ZZEF1: variants seen among roughly 807,000 people sequenced by gnomAD.
ZZEF1 encodes zinc finger ZZ-type and EF-hand domain-containing protein 1.
A neutral mutation model predicts 342.8 loss-of-function variants in ZZEF1; 157 were observed. That is an observed-to-expected ratio of 0.46 (90% CI 0.40 to 0.52). The LOEUF (loss-of-function observed/expected upper bound fraction) is 0.52, where lower values mean the gene tolerates loss of function less well. Ranked by LOEUF, ZZEF1 falls within the 20% of genes least tolerant of loss-of-function variation. ZZEF1 has a pLI of 0.00. For missense variants in ZZEF1, 3,480 were observed against 3,725.6 expected (o/e 0.93, Z 1.72); for synonymous variants, 1,505 against 1,429.1 (o/e 1.05, Z -1.20).
At chr17:4,104,916 A>C (rs886236372) in intron 7 of ZZEF1, 105 bp from the exon 8 acceptor site, 8 of 944,820 alleles carry the variant, frequency 8.5e-6, no homozygotes, top group Non-Finnish European at 1.2e-5. Context: ...AACCTGCCAT[A>C]TGCTTTCTAC....
intron 5 of ZZEF1, 35 bp downstream of exon 5, chr17:4,112,574 G>C: frequency 4.3e-6 from 7 of 1,609,288 alleles, no homozygotes; most frequent in Non-Finnish European, 5.1e-6. Flanking sequence ...CTACTCCCTT[G>C]CTTTTCCCTA....
rs771028147 is a variant in ZZEF1, at chr17:4,017,759, G to A, written c.7642-29C>T. Reference sequence around the variant, plus strand: ...CAAACCCAAGACCACCATTACAGAGGTCTAGCCTTCTTACAGTGGTGGTAT... The same window carrying A: ...CAAACCCAAGACCACCATTACAGAGATCTAGCCTTCTTACAGTGGTGGTAT... On this transcript the variant is annotated intron_variant, in intron 47 of 54. Coordinates refer to ENST00000381638, the MANE Select transcript of ZZEF1 (RefSeq NM_015113.4). This position sits in a 1 kb window ranked among gnomAD's most constrained non-coding sequence, Gnocchi z 5.1. 1.9e-6 allele frequency: 3 copies of A among 1,612,828 alleles called. No homozygotes were observed. Among genetic ancestry groups the A allele is most frequent in the Non-Finnish European group, 1.7e-6 (2 of 1,179,578 alleles).
intron 1 of ZZEF1, among the ~76,000 whole-genome samples, chr17:4,125,547 C>A (rs1030370033): frequency 6.6e-6 from 1 of 152,214 alleles, no homozygotes; most frequent in African/African-American, 2.4e-5. Context: ...CTTTTTGCCT[C>A]TGTTCAACCT....
Position 4,019,730 on chromosome 17 carries a change from G to A in ZZEF1, c.7444C>T (p.Arg2482Trp), listed in dbSNP as rs762200899. The A allele has an allele frequency of 9.3e-6, 15 of 1,612,050 alleles. No individual in the cohort carries two copies. The highest frequency in any genetic ancestry group is 4.5e-5 in the East Asian group (2 of 44,722). Residue 2482 changes from arginine to tryptophan, a missense_variant, in exon 46 of 55, where the codon CGG becomes TGG. Coordinates refer to ENST00000381638, the MANE Select transcript of ZZEF1 (RefSeq NM_015113.4). ...DALNAPLHIL[R>W]AIYELQMKKT... ...TTCATCTGCAGTTCGTATATGGCCC[G>A]GAGAATGTGCAGAGGGGCATTGAGG...
intron 5 of ZZEF1, among the ~76,000 whole-genome samples, chr17:4,112,087 T>C (rs1597908947): frequency 1.0e-5 from 1 of 97,520 alleles, no homozygotes; most frequent in South Asian, 3.2e-4. Context: ...TATATATATA[T>C]ATATATGTTT....
chr17:4,044,642 C>A (rs917758817), intron 37 of ZZEF1, among the ~76,000 whole-genome samples: 1 of 151,972 alleles, frequency 6.6e-6, no homozygotes, highest in Non-Finnish European at 1.5e-5. Flanking sequence ...CCTTAGCCTC[C>A]TGAGTAGCTG....
chr17:4,131,584 G>A (rs891469948), intron 1 of ZZEF1, among the ~76,000 whole-genome samples: 29 of 151,956 alleles, frequency 1.9e-4, no homozygotes, highest in African/African-American at 7.0e-4. Context: ...TTCAAGACCA[G>A]TGTGAGCGAT....
chr17:4,056,258 C>A lies in ZZEF1; in HGVS notation c.5253G>T (p.Trp1751Cys). 1 of 1,592,698 alleles carries A rather than the reference C, an allele frequency of 6.3e-7. No individual in the cohort carries two copies. ...DECQDGMFEA[W>C]YEKIAQEDPE... Reference sequence around the variant, plus strand: ...GATCTTCCTGGGCTATTTTTTCATACCAGGCCTCAAACATGCCATCCTGAC... The same window carrying A: ...GATCTTCCTGGGCTATTTTTTCATAACAGGCCTCAAACATGCCATCCTGAC... The change falls in exon 33 of 55, where the codon TGG (tryptophan) becomes TGT (cysteine). Residue 1751 changes from tryptophan to cysteine, a missense_variant. Physicochemically the swap from Trp to Cys is radical, Grantham distance 215. Transcript: ENST00000381638.
At chr17:4,118,178 A>T (rs865833533) in intron 2 of ZZEF1, among the ~76,000 whole-genome samples, 50 of 152,312 alleles carry the variant, frequency 3.3e-4, no homozygotes, top group Middle Eastern at 6.8e-3. Context: ...TTGTGCCTTC[A>T]GGACCTGCTC....
chr17:4,072,826 A>C, intron 24 of ZZEF1, 70 bp from the exon 25 acceptor site: 1 of 1,459,110 alleles, frequency 6.9e-7, no homozygotes, highest in East Asian at 2.3e-5. Context: ...TGAAATGAGA[A>C]AGAAAAGGTT....
At chr17:4,061,556 T>A (rs1432946446) in intron 30 of ZZEF1, among the ~76,000 whole-genome samples, 3 of 152,208 alleles carry the variant, frequency 2.0e-5, no homozygotes, top group Admixed American at 6.5e-5. Context: ...CTCAATATCT[T>A]TACTTGGTAT....
In ZZEF1 at chr17:4,014,252, T is replaced by A; in HGVS notation, c.8315-64A>T. ...GCAACAGGGAATGGCAGCAGTGGTG[T>A]TGGGTTTCAACATTCTCCAGTAAGT... is the stretch of plus-strand genomic sequence containing the variant. On this transcript the variant is annotated intron_variant, in intron 50 of 54. Transcript: ENST00000381638. The surrounding 1 kb of genome is among the most constrained non-coding windows in gnomAD (Gnocchi z 4.4). 1 of 1,610,854 alleles carries A rather than the reference T, an allele frequency of 6.2e-7. No homozygotes were observed. Among genetic ancestry groups the A allele is most frequent in the Non-Finnish European group, 8.5e-7 (1 of 1,177,098 alleles).
chr17:4,097,947 C>CAAAAAAAAAAAAAAA (rs2058065352), intron 9 of ZZEF1, among the ~76,000 whole-genome samples: 1 of 93,374 alleles, frequency 1.1e-5, no homozygotes. Context: ...AAAAAAAAAG[C>CAAAAAAAAAAAAAAA]AAAAATCAAG....
chr17:4,136,026 C>T (rs1189412343), intron 1 of ZZEF1, among the ~76,000 whole-genome samples: 1 of 126,408 alleles, frequency 7.9e-6, no homozygotes, highest in Non-Finnish European at 1.6e-5. Flanking sequence ...GACGGTGTCT[C>T]GCTGTTGCCA....
chr17:4,024,191 T>TTTTG (rs2056346684), intron 43 of ZZEF1, among the ~76,000 whole-genome samples: 2 of 126,108 alleles, frequency 1.6e-5, no homozygotes, highest in Non-Finnish European at 3.2e-5. Flanking sequence ...CCCAGGTTTT[T>TTTTG]TTTTTTTTTT....
Position 4,064,705 on chromosome 17 carries a change from C to T in ZZEF1, c.4374G>A (p.Lys1458=). 1 of 1,614,180 alleles carries T rather than the reference C, an allele frequency of 6.2e-7. No individual in the cohort carries two copies. Among genetic ancestry groups the T allele is most frequent in the Non-Finnish European group, 8.5e-7 (1 of 1,180,034 alleles). ...CCACCACAGAGCTTGTCCTCTGACG[C>T]TTGTTGAGTGGCTGGAGATGACTGG... is the stretch of plus-strand genomic sequence containing the variant. ...DETSHLQPLN[K]RQRTSSVVEE... The change falls in exon 29 of 55, where the codon AAG becomes AAA. Residue 1458 remains lysine (K), a synonymous_variant. Transcript: ENST00000381638.
chr17:4,044,675 T>TA (rs2056874841), intron 37 of ZZEF1, among the ~76,000 whole-genome samples: 7 of 151,790 alleles, frequency 4.6e-5, no homozygotes, highest in Admixed American at 2.6e-4. Flanking sequence ...CGTGCCACCA[T>TA]GCCCAGCTAA....
intron 11 of ZZEF1, among the ~76,000 whole-genome samples, chr17:4,092,119 G>T (rs572088443): frequency 6.6e-6 from 1 of 150,392 alleles, no homozygotes; most frequent in African/African-American, 2.4e-5. Flanking sequence ...TAAATAAGAA[G>T]GAGAAAAAGA....
chr17:4,096,745 T>C (rs202013452), intron 9 of ZZEF1, 45 bp from the exon 10 acceptor site: 6 of 1,487,024 alleles, frequency 4.0e-6, no homozygotes, highest in East Asian at 4.5e-5. Context: ...CCCATTTTTA[T>C]AGCCCTAAGA....
Sources: allele counts gnomAD v4.1 joint callset (sites outside exome capture counted in the v4.1 genomes callset), GRCh38; gene constraint gnomAD v4.1.1; non-coding constraint Gnocchi (gnomAD v3.1); transcripts MANE v1.5; gene names NCBI Gene and HGNC (gene_info 2026-07-23, HGNC 2026-07-21).